The following PTPRN2 variants were observed in gnomAD, a reference collection of about 807,000 sequenced individuals.
PTPRN2 encodes the protein receptor-type tyrosine-protein phosphatase N2.
PTPRN2 carries 74 observed loss-of-function variants against 118.8 expected under a neutral mutation model. The ratio of observed to expected loss-of-function variants is 0.62; its 90% CI spans 0.52 to 0.76. The LOEUF (loss-of-function observed/expected upper bound fraction) is 0.76. Ranked by LOEUF, PTPRN2 falls within the 30% of genes least tolerant of loss-of-function variation. The pLI is 0.00. For synonymous variants in PTPRN2, 641 were observed against 608.0 expected, an observed-to-expected ratio of 1.05 and a Z score of -0.80; for missense variants, 1,481 against 1,394.4, an observed-to-expected ratio of 1.06 and a Z score of -0.99.
intron 5 of PTPRN2, among the ~76,000 whole-genome samples, chr7:158,189,965 G>A (rs1175297304): frequency 6.6e-5 from 10 of 152,254 alleles, no homozygotes; most frequent in Admixed American, 5.9e-4. Context: ...TGGTGCCGAG[G>A]CACAGGTGTG....
intron 12 of PTPRN2, among the ~76,000 whole-genome samples, chr7:157,726,404 C>T (rs1219988447): frequency 7.9e-5 from 12 of 152,028 alleles, no homozygotes; most frequent in Non-Finnish European, 1.5e-4. Context: ...GCCAGACCCT[C>T]GCCTCCCAGG....
chr7:158,161,368 G>A (rs1483535028), intron 6 of PTPRN2, among the ~76,000 whole-genome samples: 1 of 152,182 alleles, frequency 6.6e-6, no homozygotes, highest in African/African-American at 2.4e-5. Context: ...ATCCAGGCAG[G>A]GTGGGGTTGA....
Position 158,116,057 on chromosome 7 carries a change from G to C in PTPRN2, c.1557-5142C>G, listed in dbSNP as rs143279443. Among the ~76,000 whole-genome samples the C allele has an allele frequency of 1.1e-4, 16 of 152,316 alleles. No individual in the cohort carries two copies. The South Asian group carries it at 3.3e-3, about 32-fold the overall frequency. ...GGTGAAGTAAGGACCTCACCCACGTGGGGTAGGCTTTGGCTACTGCACCAT... is the reference window on the plus strand; with the variant it reads ...GGTGAAGTAAGGACCTCACCCACGTCGGGTAGGCTTTGGCTACTGCACCAT... On this transcript the variant is annotated intron_variant, in intron 9 of 22. Transcript: ENST00000389418.
At chr7:158,393,095 G>A (rs1812066555) in intron 2 of PTPRN2, among the ~76,000 whole-genome samples, 1 of 152,088 alleles carries the variant, frequency 6.6e-6, no homozygotes, top group Non-Finnish European at 1.5e-5. Context: ...CTGCACCCCA[G>A]GTGGCCCTGG....
At chr7:157,719,698 C>G (rs940937748) in intron 12 of PTPRN2, among the ~76,000 whole-genome samples, 4 of 152,218 alleles carry the variant, frequency 2.6e-5, no homozygotes, top group Non-Finnish European at 4.4e-5. Flanking sequence ...GGAGTGGGCT[C>G]GGCCCGCGGG....
intron 12 of PTPRN2, among the ~76,000 whole-genome samples, chr7:157,720,647 C>T (rs1469585782): frequency 6.6e-6 from 1 of 152,252 alleles, no homozygotes; most frequent in Admixed American, 6.5e-5. Context: ...TCTTCCCACA[C>T]CAGGAGCAGG....
At chr7:158,178,979 G>A (rs1824462137) in intron 5 of PTPRN2, among the ~76,000 whole-genome samples, 2 of 152,138 alleles carry the variant, frequency 1.3e-5, no homozygotes, top group Non-Finnish European at 2.9e-5. Context: ...ATATCTACAG[G>A]TGCCTTTTTG....
At chr7:158,168,371 C>G (rs1823222903) in intron 5 of PTPRN2, among the ~76,000 whole-genome samples, 1 of 152,196 alleles carries the variant, frequency 6.6e-6, no homozygotes, top group African/African-American at 2.4e-5. Context: ...GCGGTGCCTC[C>G]CTGGTGGCTA....
rs893865375 is a variant in PTPRN2 at position 157,591,934 on chromosome 7, A to C, written c.2496+3304T>G. ...ATGAAGCGAGTTTCTTTAGTTCACA[A>C]TTTCTCAGAGGCTCTGCTCGGCTGG... On this transcript the variant is annotated intron_variant, in intron 17 of 22. Transcript: ENST00000389418. The surrounding 1 kb of genome is among the most constrained non-coding windows in gnomAD (Gnocchi z 4.4). 2.6e-5 allele frequency among the ~76,000 whole-genome samples: 4 copies of C among 152,170 alleles called. No homozygotes were observed. The highest frequency in any genetic ancestry group is 9.7e-5 in the African/African-American group (4 of 41,446).
intron 9 of PTPRN2, among the ~76,000 whole-genome samples, chr7:158,116,001 A>G (rs1199118800): frequency 6.6e-6 from 1 of 152,134 alleles, no homozygotes; most frequent in East Asian, 1.9e-4. Context: ...GTTTTATAAG[A>G]CAGGCCCGCT....
chr7:158,337,262 A>G (rs1410616997), intron 2 of PTPRN2, among the ~76,000 whole-genome samples: 18 of 150,770 alleles, frequency 1.2e-4, no homozygotes, highest in African/African-American at 4.2e-4. Flanking sequence ...TGACACCTGC[A>G]GACGTCACTC....
Position 157,986,195 on chromosome 7 carries a change from A to C in PTPRN2, c.1724-87458T>G, listed in dbSNP as rs1402167645. On this transcript the variant is annotated intron_variant, in intron 11 of 22. Coordinates refer to ENST00000389418, the MANE Select transcript of PTPRN2 (RefSeq NM_002847.5). The surrounding 1 kb of genome is among the most constrained non-coding windows in gnomAD (Gnocchi z 4.5). ...CGTATGTCCGGGGGAAGCTATGGAG[A>C]GGGTGCTGCAAAGCTGCCAGCAAGT... is the stretch of plus-strand genomic sequence containing the variant. Among the ~76,000 whole-genome samples the C allele has an allele frequency of 1.3e-5, 2 of 152,150 alleles. No individual in the cohort carries two copies. The highest frequency in any genetic ancestry group is 6.5e-5 in the Admixed American group (1 of 15,272).
chr7:158,149,147 T>A (rs371525657), intron 6 of PTPRN2, among the ~76,000 whole-genome samples: 611 of 127,318 alleles, frequency 4.8e-3, no homozygotes, highest in East Asian at 7.1e-3. Flanking sequence ...GCCACGTGTC[T>A]TTCCCCCTCA....
intron 1 of PTPRN2, among the ~76,000 whole-genome samples, chr7:158,578,646 A>G (rs1828472001): frequency 6.6e-6 from 1 of 152,056 alleles, no homozygotes; most frequent in Non-Finnish European, 1.5e-5. Flanking sequence ...TGTCACCCAA[A>G]CGAGGAACAC....
chr7:158,491,940 C>T (rs949345589), intron 1 of PTPRN2, among the ~76,000 whole-genome samples: 11 of 152,182 alleles, frequency 7.2e-5, no homozygotes, highest in Admixed American at 2.0e-4. Flanking sequence ...CTGAGAGACA[C>T]ACACCTGGCA....
chr7:157,545,177 G>C (rs562973170), intron 22 of PTPRN2, among the ~76,000 whole-genome samples: 1 of 144,444 alleles, frequency 6.9e-6, no homozygotes, highest in Non-Finnish European at 1.5e-5. Context: ...TGGCTGAGTG[G>C]TGTTTGTGGG....
intron 10 of PTPRN2, among the ~76,000 whole-genome samples, chr7:158,098,173 AC>A (rs1463190290): frequency 6.6e-6 from 1 of 152,132 alleles, no homozygotes; most frequent in Non-Finnish European, 1.5e-5. Flanking sequence ...AGAACTCAAG[AC>A]CCAGCGTGGG....
Position 157,560,855 on chromosome 7 carries a change from C to T in PTPRN2, c.2902+8047G>A, listed in dbSNP as rs1465916826. ...TTCGTGTTTTCATGTTTCAGCCAAA[C>T]ATAAAAGCGAGACGTCTCCTGCTCA... On this transcript the variant is annotated intron_variant, in intron 21 of 22. Coordinates refer to ENST00000389418, the MANE Select transcript of PTPRN2 (RefSeq NM_002847.5). The surrounding 1 kb of genome is among the most constrained non-coding windows in gnomAD (Gnocchi z 6.7). Among the ~76,000 whole-genome samples the T allele has an allele frequency of 1.3e-5, 2 of 152,172 alleles. No homozygotes were observed. The highest frequency in any genetic ancestry group is 2.9e-5 in the Non-Finnish European group (2 of 68,030).
At chr7:157,665,478 C>G (rs1003675172) in intron 13 of PTPRN2, among the ~76,000 whole-genome samples, 2 of 152,216 alleles carry the variant, frequency 1.3e-5, no homozygotes, top group South Asian at 2.1e-4. Flanking sequence ...CTCTGAGGAG[C>G]TGGACGGAGG....
Sources: allele counts gnomAD v4.1 joint callset (sites outside exome capture counted in the v4.1 genomes callset), GRCh38; gene constraint gnomAD v4.1.1; non-coding constraint Gnocchi (gnomAD v3.1); transcripts MANE v1.5; gene names NCBI Gene and HGNC (gene_info 2026-07-23, HGNC 2026-07-21).